The following PPM1E variants were observed in gnomAD, a reference collection of about 807,000 sequenced individuals.
The protein encoded by PPM1E is protein phosphatase 1E.
A neutral mutation model predicts 65.9 loss-of-function variants in PPM1E; 20 were observed. That is an observed-to-expected ratio of 0.30 (90% CI 0.21 to 0.44). The LOEUF is 0.44. PPM1E is among the 20% of genes least tolerant of loss of function. The pLI, the probability that PPM1E is intolerant of heterozygous loss-of-function variation, is 1.00. For missense variants in PPM1E, 713 were observed against 953.1 expected (o/e 0.75, Z 3.32); for synonymous variants, 352 against 374.9 (o/e 0.94, Z 0.70).
intron 1 of PPM1E, among the ~76,000 whole-genome samples, chr17:58,928,746 G>A (rs555974818): frequency 1.4e-4 from 20 of 147,978 alleles, no homozygotes; most frequent in Admixed American, 1.1e-3. Flanking sequence ...CTTGTTGCCC[G>A]GGCTGGAGTA....
intron 1 of PPM1E, among the ~76,000 whole-genome samples, chr17:58,785,839 A>G (rs143188172): frequency 2.7e-4 from 41 of 152,110 alleles, no homozygotes; most frequent in African/African-American, 9.9e-4. Flanking sequence ...CTGAGCACTT[A>G]TCACACACTG....
chr17:58,788,025 T>A (rs1001316983), intron 1 of PPM1E, among the ~76,000 whole-genome samples: 1 of 152,084 alleles, frequency 6.6e-6, no homozygotes, highest in Non-Finnish European at 1.5e-5. Flanking sequence ...ATTTTTGCAG[T>A]CTTTCAGCAC....
intron 1 of PPM1E, among the ~76,000 whole-genome samples, chr17:58,896,426 A>G (rs1307628995): frequency 6.6e-6 from 1 of 151,794 alleles, no homozygotes; most frequent in African/African-American, 2.4e-5. Flanking sequence ...CTCTACTGAA[A>G]ATACAAAAAT....
intron 6 of PPM1E, among the ~76,000 whole-genome samples, chr17:58,975,102 T>C (rs1044148618): frequency 6.6e-6 from 1 of 152,194 alleles, no homozygotes; most frequent in Non-Finnish European, 1.5e-5. Flanking sequence ...TACCCTTGAC[T>C]GAAAATCACC....
intron 1 of PPM1E, among the ~76,000 whole-genome samples, chr17:58,932,954 AC>A (rs2051922140): frequency 6.6e-6 from 1 of 152,170 alleles, no homozygotes; most frequent in Non-Finnish European, 1.5e-5. Flanking sequence ...TTTTTACTGT[AC>A]TTTTTCTATG....
At chr17:58,766,876 G>A (rs531725707) in intron 1 of PPM1E, among the ~76,000 whole-genome samples, 3 of 152,198 alleles carry the variant, frequency 2.0e-5, no homozygotes, top group Non-Finnish European at 4.4e-5. Flanking sequence ...TACTTGGAAA[G>A]ATATTGGTCC....
intron 1 of PPM1E, among the ~76,000 whole-genome samples, chr17:58,934,128 GA>G (rs760793429): frequency 3.8e-4 from 57 of 150,340 alleles, no homozygotes; most frequent in Non-Finnish European, 4.7e-4. Context: ...GAAACAGGGA[GA>G]ATGACTAGAA....
At chr17:58,842,725 G>A (rs1363695474) in intron 1 of PPM1E, among the ~76,000 whole-genome samples, 2 of 150,806 alleles carry the variant, frequency 1.3e-5, no homozygotes, top group African/African-American at 4.9e-5. Context: ...GATCACTTGA[G>A]GTCAAGAGTT....
chr17:58,812,889 T>C lies in PPM1E; in HGVS notation c.464+56428T>C, dbSNP rs569380058. Among the ~76,000 whole-genome samples, 5 of 152,276 alleles carry C rather than the reference T, an allele frequency of 3.3e-5. No individual in the cohort carries two copies. In the South Asian group the frequency reaches 1.0e-3, roughly 32 times the overall value. ...GCCACACACTTTTTTATTTGGTAGA[T>C]TTCCTCAAGTCTTTTCAGAAGCAAG... On this transcript the variant is annotated intron_variant, in intron 1 of 6. Transcript: ENST00000308249.
chr17:58,791,579 T>A (rs1048699736), intron 1 of PPM1E, among the ~76,000 whole-genome samples: 8 of 152,164 alleles, frequency 5.3e-5, no homozygotes, highest in African/African-American at 1.9e-4. Flanking sequence ...ACTTTCCTCT[T>A]TATCCACTTG....
chr17:58,839,240 TAAG>T (rs932894296), intron 1 of PPM1E, among the ~76,000 whole-genome samples: 1 of 151,810 alleles, frequency 6.6e-6, no homozygotes, highest in African/African-American at 2.4e-5. Context: ...GAGGCTGAGG[TAAG>T]AAGATCACTG....
chr17:58,792,743 C>CTTTTTTTTT lies in PPM1E; in HGVS notation c.464+36303_464+36311dup, dbSNP rs780992600. ...TATTTTATTTTATAAGAATTTTACT[C>CTTTTTTTTT]TTTTTTTTTTTTTTTTTTTTTTTTT... On this transcript the variant is annotated intron_variant, in intron 1 of 6. Coordinates refer to ENST00000308249, the MANE Select transcript of PPM1E (RefSeq NM_014906.5). Among the ~76,000 whole-genome samples, 79 of 76,380 alleles carry CTTTTTTTTT rather than the reference C, an allele frequency of 1.0e-3. 17 individuals are homozygous for CTTTTTTTTT. Among genetic ancestry groups the CTTTTTTTTT allele is most frequent in the East Asian group, 3.7e-3 (8 of 2,134 alleles). The allele number at this position is 76,380 out of a possible 152,430, so 50.1% of individuals were successfully genotyped here. A position where few individuals can be genotyped will look rare whatever the true frequency, so the allele number is the denominator to read the frequency against.
At chr17:58,854,642 C>T (rs543692849) in intron 1 of PPM1E, among the ~76,000 whole-genome samples, 1 of 152,120 alleles carries the variant, frequency 6.6e-6, no homozygotes, top group South Asian at 2.1e-4. Flanking sequence ...TTTTGTCAAA[C>T]ATCAATTGAG....
rs552214378 is a variant in PPM1E, at chr17:58,984,504, A to T, written c.*3473A>T. On this transcript the variant is annotated 3_prime_UTR_variant, in exon 7 of 7. Transcript: ENST00000308249. ...CTCAGTGAACATTCTTACCTAAGCA[A>T]GGCTATAAAAGGGAATACTACAGTT... 1 of 152,626 alleles carries T rather than the reference A, an allele frequency of 6.6e-6. No individual in the cohort carries two copies. The highest frequency in any genetic ancestry group is 1.5e-5 in the Non-Finnish European group (1 of 68,044). The allele number at this position is 152,626 out of a possible 1,614,324, so 9.5% of individuals were successfully genotyped here.
chr17:58,937,186 A>G (rs2051993345), intron 1 of PPM1E, among the ~76,000 whole-genome samples: 2 of 151,666 alleles, frequency 1.3e-5, no homozygotes, highest in African/African-American at 4.8e-5. Flanking sequence ...GGTAGGAAAC[A>G]GTACTTTCTT....
chr17:58,770,158 T>A (rs1342915153), intron 1 of PPM1E, among the ~76,000 whole-genome samples: 2 of 152,180 alleles, frequency 1.3e-5, no homozygotes, highest in Non-Finnish European at 2.9e-5. Context: ...AGTTTTGGAA[T>A]CATCATTGCA....
At chr17:58,863,114 C>T (rs929866328) in intron 1 of PPM1E, among the ~76,000 whole-genome samples, 1 of 152,168 alleles carries the variant, frequency 6.6e-6, no homozygotes, top group Non-Finnish European at 1.5e-5. Context: ...AATATGGCTT[C>T]TAATAATTCT....
chr17:58,914,422 A>G (rs1052923995), intron 1 of PPM1E, among the ~76,000 whole-genome samples: 1 of 152,042 alleles, frequency 6.6e-6, no homozygotes, highest in Non-Finnish European at 1.5e-5. Flanking sequence ...CTTCTTTTCT[A>G]TGAGCATAAC....
chr17:58,812,653 A>G (rs1285355038), intron 1 of PPM1E, among the ~76,000 whole-genome samples: 1 of 152,172 alleles, frequency 6.6e-6, no homozygotes, highest in African/African-American at 2.4e-5. Flanking sequence ...TCCTGGGTTC[A>G]AGCAATTCTC....
Sources: gnomAD v4.1 joint callset for allele counts (sites outside exome capture counted in the v4.1 genomes callset) on GRCh38, gnomAD v4.1.1 for gene constraint, MANE v1.5 for transcripts, NCBI Gene and HGNC (gene_info 2026-07-23, HGNC 2026-07-21) for gene names.